FLACC1: variants seen among roughly 807,000 people sequenced by gnomAD.
FLACC1 encodes the protein flagellum-associated coiled-coil domain-containing protein 1.
In FLACC1, 66 loss-of-function variants were observed where a neutral mutation model predicts 62.8. The ratio of observed to expected loss-of-function variants is 1.05; its 90% CI spans 0.86 to 1.29. The LOEUF is 1.29. Among genes scored for constraint, FLACC1 ranks in the 50% most tolerant of loss-of-function variants. The pLI is 0.00. For synonymous variants in FLACC1, 156 were observed against 161.0 expected, an observed-to-expected ratio of 0.97 and a Z score of 0.24; for missense variants, 452 against 489.1, an observed-to-expected ratio of 0.92 and a Z score of 0.71.
At position 201,351,297 on chromosome 2, in the gene FLACC1, A is replaced by C; in HGVS notation, c.108T>G (p.Ser36Arg). 1 of 1,610,556 alleles carries C rather than the reference A, an allele frequency of 6.2e-7. No homozygotes were observed. Among genetic ancestry groups the C allele is most frequent in the South Asian group, 1.1e-5 (1 of 90,964 alleles). The change falls in exon 2 of 15, where the codon AGT becomes AGG. Residue 36 changes from serine to arginine, a missense_variant. By Grantham distance (110) the Ser-to-Arg change is moderately radical. Transcript: ENST00000392257. Reference protein sequence around the residue: ...PQLPRKNSTGSSKLTPLVPAP... With the variant: ...PQLPRKNSTGRSKLTPLVPAP... ...CCATCCCAGATAATTCTTACTTGGA[A>C]CTCCCTGTGGAGTTCTTGCGTGGTA... is the stretch of plus-strand genomic sequence containing the variant.
intron 12 of FLACC1, among the ~76,000 whole-genome samples, chr2:201,295,257 A>G (rs897400757): frequency 5.9e-5 from 9 of 152,372 alleles, no homozygotes; most frequent in African/African-American, 1.9e-4. Context: ...CCTGACTTCA[A>G]ACTATACTAC....
Position 201,316,362 on chromosome 2 carries a change from A to T in FLACC1, c.676-7112T>A, listed in dbSNP as rs976841672. 9.2e-5 allele frequency among the ~76,000 whole-genome samples: 14 copies of T among 152,216 alleles called. 1 individual carries two copies. Among genetic ancestry groups the T allele is most frequent in the Non-Finnish European group, 4.4e-5 (3 of 68,028 alleles). On this transcript the variant is annotated intron_variant, in intron 9 of 14. Coordinates refer to ENST00000392257, the MANE Select transcript of FLACC1 (RefSeq NM_001127391.3). ...AAAATCCAAATAAGCTTAATTAGAA[A>T]TGAAAAGGGAGATATTACAACTGAC...
Position 201,351,247 on chromosome 2 carries a change from G to T in FLACC1, c.113+45C>A, listed in dbSNP as rs757349109. 5.3e-5 allele frequency: 78 copies of T among 1,465,412 alleles called. No homozygotes were observed. The East Asian group carries it at 1.8e-3, about 33-fold the overall frequency. 90.8% of individuals were successfully genotyped at this position (1,465,412 alleles called of 1,614,324 possible). A position where few individuals can be genotyped will look rare whatever the true frequency, so the allele number is the denominator to read the frequency against. On this transcript the variant is annotated intron_variant, in intron 2 of 14. Transcript: ENST00000392257. ...TTGTGAGAGAAATGAGGCTACAAAT[G>T]GATCCCAAGGTCCCTGTGCCTACCC... is the stretch of plus-strand genomic sequence containing the variant.
intron 10 of FLACC1, among the ~76,000 whole-genome samples, chr2:201,307,937 G>T (rs902579568): frequency 6.6e-6 from 1 of 152,150 alleles, no homozygotes; most frequent in African/African-American, 2.4e-5. Context: ...TGCTATCATG[G>T]ATATCCTTAT....
chr2:201,319,547 A>C (rs1950364303), intron 9 of FLACC1, among the ~76,000 whole-genome samples: 1 of 152,242 alleles, frequency 6.6e-6, no homozygotes, highest in Non-Finnish European at 1.5e-5. Flanking sequence ...TGCACAGCAA[A>C]AAAACCCGTC....
chr2:201,302,753 A>G (rs1405402593), intron 11 of FLACC1, among the ~76,000 whole-genome samples: 4 of 152,244 alleles, frequency 2.6e-5, no homozygotes, highest in Non-Finnish European at 5.9e-5. Flanking sequence ...AGTGCAATCA[A>G]ACTAGAACTC....
At chr2:201,293,675 G>A in intron 12 of FLACC1, among the ~76,000 whole-genome samples, 1 of 152,056 alleles carries the variant, frequency 6.6e-6, no homozygotes, top group Non-Finnish European at 1.5e-5. Flanking sequence ...TAAGATCAGA[G>A]CAGAACTGAA....
At chr2:201,324,036 A>G (rs1950457990) in intron 9 of FLACC1, among the ~76,000 whole-genome samples, 1 of 152,154 alleles carries the variant, frequency 6.6e-6, no homozygotes, top group Non-Finnish European at 1.5e-5. Flanking sequence ...AATGGCCTAA[A>G]CGCTCCACTT....
chr2:201,330,338 T>G (rs1156456037), intron 9 of FLACC1, 132 bp downstream of exon 9: 2 of 828,736 alleles, frequency 2.4e-6, no homozygotes, highest in East Asian at 5.8e-5. Flanking sequence ...GTGCAGCTAG[T>G]GCCACTTAGG....
intron 9 of FLACC1, among the ~76,000 whole-genome samples, chr2:201,313,554 A>G (rs1950255234): frequency 6.6e-6 from 1 of 152,118 alleles, no homozygotes; most frequent in South Asian, 2.1e-4. Context: ...CAGCTGCAGC[A>G]AGACTCGCCC....
intron 11 of FLACC1, among the ~76,000 whole-genome samples, chr2:201,305,462 A>G (rs1417102517): frequency 6.6e-6 from 1 of 152,232 alleles, no homozygotes; most frequent in Non-Finnish European, 1.5e-5. Flanking sequence ...GTGGAGAAAT[A>G]GGAACACTTT....
intron 1 of FLACC1, among the ~76,000 whole-genome samples, chr2:201,353,199 T>C (rs573704939): frequency 1.3e-5 from 2 of 152,236 alleles, no homozygotes; most frequent in South Asian, 4.2e-4. Context: ...GGTTAAAAAA[T>C]ATTGAATGAG....
rs189404812 is a variant in FLACC1, at chr2:201,327,842, A to G, written c.675+2628T>C. Among the ~76,000 whole-genome samples the G allele has an allele frequency of 1.8e-3, 278 of 152,336 alleles. 1 individual carries two copies. The highest frequency in any genetic ancestry group is 4.8e-3 in the Admixed American group (74 of 15,308). On this transcript the variant is annotated intron_variant, in intron 9 of 14. Transcript: ENST00000392257. Reference sequence around the variant, plus strand: ...CGAAAGGAAAATGAGTCATTACAGAAAAAGACACTTGTACACGTATGTTTA... The same window carrying G: ...CGAAAGGAAAATGAGTCATTACAGAGAAAGACACTTGTACACGTATGTTTA...
chr2:201,296,512 T>G (rs1359799437), intron 12 of FLACC1, among the ~76,000 whole-genome samples: 2 of 55,106 alleles, frequency 3.6e-5, no homozygotes, highest in Non-Finnish European at 6.6e-5. Flanking sequence ...GGGCCTGTTG[T>G]GGGGTGGGGG....
chr2:201,296,639 G>A (rs1949870697), intron 12 of FLACC1, among the ~76,000 whole-genome samples: 1 of 152,062 alleles, frequency 6.6e-6, no homozygotes, highest in Non-Finnish European at 1.5e-5. Flanking sequence ...TTATGCACAT[G>A]TACCCTAAAA....
At chr2:201,356,674 C>T (rs901472776) in intron 1 of FLACC1, among the ~76,000 whole-genome samples, 2 of 152,192 alleles carry the variant, frequency 1.3e-5, no homozygotes, top group African/African-American at 2.4e-5. Flanking sequence ...ATACTTTGCA[C>T]ACAATGTTGC....
intron 5 of FLACC1, among the ~76,000 whole-genome samples, chr2:201,345,526 T>G (rs1401837289): frequency 2.6e-5 from 4 of 151,910 alleles, no homozygotes; most frequent in Non-Finnish European, 1.5e-5. Context: ...TTTAGACTTG[T>G]GTGTTGAAAA....
chr2:201,307,341 G>A (rs1330912193), intron 11 of FLACC1, among the ~76,000 whole-genome samples, 178 bp downstream of exon 11: 1 of 152,228 alleles, frequency 6.6e-6, no homozygotes, highest in Non-Finnish European at 1.5e-5. Flanking sequence ...TGGGAAGATT[G>A]CCCAGCTAAA....
At chr2:201,327,375 AC>A (rs1352424662) in intron 9 of FLACC1, among the ~76,000 whole-genome samples, 1 of 152,078 alleles carries the variant, frequency 6.6e-6, no homozygotes, top group Non-Finnish European at 1.5e-5. Flanking sequence ...TAAACAGACA[AC>A]CCACAGAATG....
Sources: gnomAD v4.1 joint callset for allele counts (sites outside exome capture counted in the v4.1 genomes callset) on GRCh38, gnomAD v4.1.1 for gene constraint, MANE v1.5 for transcripts, NCBI Gene and HGNC (gene_info 2026-07-23, HGNC 2026-07-21) for gene names.